The following FAM171B variants were observed in gnomAD, a reference collection of about 807,000 sequenced individuals.
The protein encoded by FAM171B is family with sequence similarity 171 member B.
Under a neutral mutation model 75.6 loss-of-function variants are expected in FAM171B, and 19 were observed. The observed-to-expected ratio is 0.25, with a 90% confidence interval of 0.18 to 0.37. The LOEUF is 0.37. Among genes scored for constraint, FAM171B ranks in the 10% least tolerant of loss-of-function variants. The probability of loss-of-function intolerance (pLI) is 1.00; values close to 1 mark genes in which losing one functional copy is unlikely to be tolerated. For missense variants in FAM171B, 848 were observed against 982.4 expected, an observed-to-expected ratio of 0.86 and a Z score of 1.83; for synonymous variants, 367 against 361.7, an observed-to-expected ratio of 1.01 and a Z score of -0.17.
At chr2:186,713,309 G>A (rs1369947117) in intron 1 of FAM171B, among the ~76,000 whole-genome samples, 1 of 152,238 alleles carries the variant, frequency 6.6e-6, no homozygotes, top group Non-Finnish European at 1.5e-5. Flanking sequence ...ACTTTAGTGT[G>A]ATGGCAACTG....
chr2:186,738,708 T>C (rs1690242932), intron 1 of FAM171B, among the ~76,000 whole-genome samples: 1 of 152,196 alleles, frequency 6.6e-6, no homozygotes, highest in African/African-American at 2.4e-5. Context: ...CTGTTGCTAT[T>C]GATAGCATTA....
Position 186,747,087 on chromosome 2 carries a change from TC to T in FAM171B, c.566-3del. The T allele has an allele frequency of 6.4e-7, 1 of 1,567,810 alleles. No homozygotes were observed. Among genetic ancestry groups the T allele is most frequent in the Non-Finnish European group, 8.6e-7 (1 of 1,160,594 alleles). On this transcript the variant is annotated splice_region_variant and splice_polypyrimidine_tract_variant and intron_variant, in intron 3 of 7. Transcript: ENST00000304698. The stretch of plus-strand genomic sequence containing the variant: ...TCTTTGTTAATGAGGTTTCCTTTTT[TC>T]CAGATGCCAAGTCTCAACCAAGTGT...
chr2:186,753,239 C>T (rs1261275387), intron 5 of FAM171B, among the ~76,000 whole-genome samples: 13 of 152,154 alleles, frequency 8.5e-5, no homozygotes, highest in Admixed American at 8.5e-4. Flanking sequence ...ACCTCCACCT[C>T]CCAGGCTCAA....
chr2:186,718,648 A>G (rs1007932978), intron 1 of FAM171B, among the ~76,000 whole-genome samples: 3 of 152,216 alleles, frequency 2.0e-5, no homozygotes, highest in Admixed American at 6.5e-5. Flanking sequence ...CACATCTAAC[A>G]TAGCTAGCTA....
chr2:186,749,617 G>T (rs1432090288), intron 4 of FAM171B, among the ~76,000 whole-genome samples: 1 of 152,076 alleles, frequency 6.6e-6, no homozygotes, highest in Non-Finnish European at 1.5e-5. Context: ...CTGTTTGACG[G>T]CTGAAGCCAT....
In FAM171B at chr2:186,751,193, G is replaced by A. The variant is rs1278223748; in HGVS notation, c.784G>A (p.Gly262Arg). The A allele has an allele frequency of 1.2e-6, 2 of 1,610,698 alleles. No homozygotes were observed. Among genetic ancestry groups the A allele is most frequent in the Non-Finnish European group, 1.7e-6 (2 of 1,177,864 alleles). The change falls in exon 5 of 8, where the codon GGA (glycine) becomes AGA (arginine). Residue 262 changes from glycine (G) to arginine (R), a missense_variant. Gly to Arg is a moderately radical substitution (Grantham distance 125). Around this residue, in one of 3 missense-constraint regions of FAM171B, gnomAD observed 665 missense variants for 729.0 expected, o/e 0.91. Coordinates refer to ENST00000304698, the MANE Select transcript of FAM171B (RefSeq NM_177454.4). ...AATATGTGTGAAAATATATTCTGGA[G>A]GAAAAGAACTAAAGGTCAATGGCTC... is the stretch of plus-strand genomic sequence containing the variant. ...AAICVKIYSG[G>R]KELKVNGSIQ...
At chr2:186,734,598 T>C (rs1559087748) in intron 1 of FAM171B, among the ~76,000 whole-genome samples, 1 of 152,158 alleles carries the variant, frequency 6.6e-6, no homozygotes, top group Non-Finnish European at 1.5e-5. Flanking sequence ...AGGGTTTTTA[T>C]GGGCTTCAGA....
At chr2:186,754,964 G>A (rs1449092) in intron 6 of FAM171B, among the ~76,000 whole-genome samples, 1 of 152,116 alleles carries the variant, frequency 6.6e-6, no homozygotes, top group Non-Finnish European at 1.5e-5. Context: ...GGAGGCTGGG[G>A]AGCAAAACCA....
intron 1 of FAM171B, among the ~76,000 whole-genome samples, chr2:186,700,285 T>G (rs1689638557): frequency 6.6e-6 from 1 of 152,032 alleles, no homozygotes; most frequent in Non-Finnish European, 1.5e-5. Context: ...TGTACATATG[T>G]GAAATGTACA....
chr2:186,757,687 A>T (rs1690551596), intron 6 of FAM171B, among the ~76,000 whole-genome samples: 1 of 152,192 alleles, frequency 6.6e-6, no homozygotes, highest in Non-Finnish European at 1.5e-5. Flanking sequence ...TTTTAAATAT[A>T]CTTCAATGAA....
rs146492428 is a variant in FAM171B at position 186,751,299 on chromosome 2, A to G, written c.890A>G (p.Asn297Ser). ...ATACCTGCTTGGACATTTGATATGA[A>G]CACAGGTATGTGAGCTAGGTTAAAA... is the stretch of plus-strand genomic sequence containing the variant. Reference protein sequence around the residue: ...DRIPAWTFDMNTGAWVNHGRG... With the variant: ...DRIPAWTFDMSTGAWVNHGRG... Residue 297 changes from asparagine (N) to serine (S), a missense_variant, in exon 5 of 8, where the codon AAC becomes AGC. Around this residue, in one of 3 missense-constraint regions of FAM171B, gnomAD observed 665 missense variants for 729.0 expected, o/e 0.91. Coordinates refer to ENST00000304698, the MANE Select transcript of FAM171B (RefSeq NM_177454.4). 1 of 1,573,656 alleles carries G rather than the reference A, an allele frequency of 6.4e-7. No homozygotes were observed. Among genetic ancestry groups the G allele is most frequent in the South Asian group, 1.2e-5 (1 of 84,386 alleles).
chr2:186,703,490 C>G (rs959629214), intron 1 of FAM171B, among the ~76,000 whole-genome samples: 4 of 152,162 alleles, frequency 2.6e-5, no homozygotes, highest in Admixed American at 6.5e-5. Context: ...AACCAGTGTT[C>G]ATGCTTTTAT....
chr2:186,710,667 C>T (rs1197673734), intron 1 of FAM171B, among the ~76,000 whole-genome samples: 1 of 152,138 alleles, frequency 6.6e-6, no homozygotes, highest in East Asian at 1.9e-4. Flanking sequence ...CTTGCTGCAT[C>T]ATCTTGCTGA....
intron 1 of FAM171B, among the ~76,000 whole-genome samples, chr2:186,697,162 G>C (rs1574517093): frequency 6.6e-6 from 1 of 152,182 alleles, no homozygotes; most frequent in African/African-American, 2.4e-5. Flanking sequence ...GTAAGTAGAA[G>C]TTATAAAGTA....
At chr2:186,715,189 TTG>T (rs765855128) in intron 1 of FAM171B, among the ~76,000 whole-genome samples, 2 of 151,304 alleles carry the variant, frequency 1.3e-5, no homozygotes, top group African/African-American at 2.4e-5. Context: ...CTGAGGGGTT[TTG>T]TGTGTGTGTG....
intron 4 of FAM171B, among the ~76,000 whole-genome samples, chr2:186,750,907 A>G (rs1690443100): frequency 6.6e-6 from 1 of 152,158 alleles, no homozygotes; most frequent in African/African-American, 2.4e-5. Context: ...GATGACTTAG[A>G]TAACTTAGGC....
chr2:186,750,488 T>C (rs921203211), intron 4 of FAM171B, among the ~76,000 whole-genome samples: 4 of 152,196 alleles, frequency 2.6e-5, no homozygotes, highest in African/African-American at 9.6e-5. Flanking sequence ...ATTCTTTCAG[T>C]TGTATGAATA....
At chr2:186,717,684 C>T (rs1208498621) in intron 1 of FAM171B, among the ~76,000 whole-genome samples, 3 of 152,110 alleles carry the variant, frequency 2.0e-5, no homozygotes, top group African/African-American at 7.2e-5. Flanking sequence ...GAAGTCTCTT[C>T]TCTCTGGACA....
intron 1 of FAM171B, among the ~76,000 whole-genome samples, chr2:186,721,863 A>G (rs1420301099): frequency 6.6e-6 from 1 of 151,980 alleles, no homozygotes; most frequent in Admixed American, 6.6e-5. Context: ...TAACAAGACA[A>G]CTTGATGTCT....
Sources: allele counts gnomAD v4.1 joint callset (sites outside exome capture counted in the v4.1 genomes callset), GRCh38; gene constraint gnomAD v4.1.1; regional missense constraint gnomAD v4.1.1; transcripts MANE v1.5; gene names NCBI Gene and HGNC (gene_info 2026-07-23, HGNC 2026-07-21).